TUBAL3: variants seen among roughly 807,000 people sequenced by gnomAD.
TUBAL3 encodes the protein tubulin alpha like 3, also known as tubulin alpha chain-like 3.
A neutral mutation model predicts 15.5 loss-of-function variants in TUBAL3; 16 were observed. The observed-to-expected ratio is 1.04, with a 90% CI of 0.70 to 1.57. The LOEUF (loss-of-function observed/expected upper bound fraction) is 1.57. Ranked by LOEUF, TUBAL3 falls within the 40% of genes most tolerant of loss-of-function variation. The pLI, the probability that TUBAL3 is intolerant of heterozygous loss-of-function variation, is 0.00. For synonymous variants in TUBAL3, 238 were observed against 224.3 expected (o/e 1.06, Z -0.55); for missense variants, 609 against 576.2 (o/e 1.06, Z -0.58).
rs182993405 is a variant in TUBAL3, at chr10:5,394,794, T to A, written c.397-333A>T. On this transcript the variant is annotated intron_variant, in intron 3 of 3. Coordinates refer to ENST00000380419, the MANE Select transcript of TUBAL3 (RefSeq NM_024803.3). This position sits in a 1 kb window ranked among gnomAD's most constrained non-coding sequence, Gnocchi z 4.3. Reference sequence around the variant, plus strand: ...ACAAAACACTGAAGCAAAATAACATTCCCCCCACGTCTATGCTCCATCTGG... The same window carrying A: ...ACAAAACACTGAAGCAAAATAACATACCCCCCACGTCTATGCTCCATCTGG... Among the ~76,000 whole-genome samples, 52 of 151,958 alleles carry A rather than the reference T, an allele frequency of 3.4e-4. No homozygotes were observed. The highest frequency in any genetic ancestry group is 9.8e-4 in the Admixed American group (15 of 15,240).
Position 5,394,201 on chromosome 10 carries a change from T to C in TUBAL3, c.657A>G (p.Ile219Met), listed in dbSNP as rs1831725117. 6.2e-7 allele frequency: 1 copy of C among 1,614,170 alleles called. No homozygotes were observed. The highest frequency in any genetic ancestry group is 8.5e-7 in the Non-Finnish European group (1 of 1,180,040). The change falls in exon 4 of 4, where the codon ATA becomes ATG. Residue 219 changes from isoleucine to methionine, a missense_variant. Coordinates refer to ENST00000380419, the MANE Select transcript of TUBAL3 (RefSeq NM_024803.3). This position sits in a 1 kb window ranked among gnomAD's most constrained non-coding sequence, Gnocchi z 4.3. ...ATTCAACACCGAGTTTACGATGGCA[T>C]ATATCATAGACGGCCTCGTTGTCCA... The part of the protein sequence containing the change: ...FMVDNEAVYD[I>M]CHRKLGVECP...
At chr10:5,398,441 A>AC (rs1831798898) in intron 2 of TUBAL3, among the ~76,000 whole-genome samples, 1 of 146,686 alleles carries the variant, frequency 6.8e-6, no homozygotes, top group Admixed American at 6.9e-5. Context: ...AAAAAAAAAA[A>AC]AAAAAAACTT....
intron 1 of TUBAL3, among the ~76,000 whole-genome samples, chr10:5,401,984 A>C (rs568904261): frequency 7.9e-4 from 117 of 148,764 alleles, no homozygotes; most frequent in African/African-American, 2.6e-3. Flanking sequence ...ACGTTTTCCC[A>C]AAAAAAAAAG....
intron 2 of TUBAL3, among the ~76,000 whole-genome samples, chr10:5,400,588 G>C (rs1181586659): frequency 6.6e-6 from 1 of 152,102 alleles, no homozygotes; most frequent in African/African-American, 2.4e-5. Context: ...CCCAGATCAC[G>C]CTACTGCACT....
Position 5,395,846 on chromosome 10 carries a change from G to C in TUBAL3, c.248-371C>G, listed in dbSNP as rs1392466185. On this transcript the variant is annotated intron_variant, in intron 2 of 3. Transcript: ENST00000380419. This position sits in a 1 kb window ranked among gnomAD's most constrained non-coding sequence, Gnocchi z 4.6. ...GTTCCTGCTGGAGGCCCCAGGGAGC[G>C]TCTGGTCCAAACATCTCTCCTGGCA... 7.2e-5 allele frequency among the ~76,000 whole-genome samples: 11 copies of C among 152,106 alleles called. No individual in the cohort carries two copies. Among genetic ancestry groups the C allele is most frequent in the South Asian group, 2.1e-4 (1 of 4,818 alleles).
intron 1 of TUBAL3, among the ~76,000 whole-genome samples, chr10:5,401,456 G>A (rs11253160): frequency 0.063 from 9,606 of 151,554 alleles, 339 homozygotes; most frequent in South Asian, 0.18. Context: ...GTGTGTGTGC[G>A]TGTAGTTATA....
In TUBAL3 at chr10:5,394,724, G is replaced by A. The variant is rs189960554; in HGVS notation, c.397-263C>T. On this transcript the variant is annotated intron_variant, in intron 3 of 3. Transcript: ENST00000380419. The surrounding 1 kb of genome is among the most constrained non-coding windows in gnomAD (Gnocchi z 4.3). Reference sequence around the variant, plus strand: ...TTTCACTGACCTCTGTGCATTTATCGGTATGTGATCGCAAACAAGGCCTTC... The same window carrying A: ...TTTCACTGACCTCTGTGCATTTATCAGTATGTGATCGCAAACAAGGCCTTC... 1.2e-4 allele frequency among the ~76,000 whole-genome samples: 18 copies of A among 152,262 alleles called. No homozygotes were observed. The highest frequency in any genetic ancestry group is 3.3e-4 in the Admixed American group (5 of 15,284).
chr10:5,402,513 G>T (rs1387161298), intron 1 of TUBAL3, among the ~76,000 whole-genome samples: 3 of 152,180 alleles, frequency 2.0e-5, no homozygotes, highest in Admixed American at 2.0e-4. Context: ...TGGCTACACT[G>T]CCCTAAAGCC....
At chr10:5,401,958 G>A (rs1224284246) in intron 1 of TUBAL3, among the ~76,000 whole-genome samples, 1 of 151,918 alleles carries the variant, frequency 6.6e-6, no homozygotes, top group African/African-American at 2.4e-5. Flanking sequence ...ACAATGACAT[G>A]TTATGCAACC....
Position 5,396,948 on chromosome 10 carries a change from A to C in TUBAL3, c.248-1473T>G, listed in dbSNP as rs569018123. ...TCACTAAGCTAGAGAGAAGTTACTT[A>C]GTCAATGATTTTAGCTCATAAATAA... On this transcript the variant is annotated intron_variant, in intron 2 of 3. Transcript: ENST00000380419. The surrounding 1 kb of genome is among the most constrained non-coding windows in gnomAD (Gnocchi z 5.1). Among the ~76,000 whole-genome samples the C allele has an allele frequency of 1.3e-5, 2 of 152,374 alleles. No homozygotes were observed. Among genetic ancestry groups the C allele is most frequent in the Non-Finnish European group, 2.9e-5 (2 of 68,044 alleles).
rs1831773179 is a variant in TUBAL3 at position 5,396,857 on chromosome 10, C to G, written c.248-1382G>C. ...CGGCTGCCCTGGTTACTGTGGGATA[C>G]TGCATTGCTTAGTAGTTAAATGCAT... On this transcript the variant is annotated intron_variant, in intron 2 of 3. Coordinates refer to ENST00000380419, the MANE Select transcript of TUBAL3 (RefSeq NM_024803.3). This position sits in a 1 kb window ranked among gnomAD's most constrained non-coding sequence, Gnocchi z 5.1. 1.3e-5 allele frequency among the ~76,000 whole-genome samples: 2 copies of G among 152,228 alleles called. No homozygotes were observed. Among genetic ancestry groups the G allele is most frequent in the Non-Finnish European group, 2.9e-5 (2 of 68,044 alleles).
In TUBAL3 at chr10:5,394,728, T is replaced by C. The variant is rs1375914401; in HGVS notation, c.397-267A>G. 6.6e-6 allele frequency among the ~76,000 whole-genome samples: 1 copy of C among 152,226 alleles called. No individual in the cohort carries two copies. The highest frequency in any genetic ancestry group is 1.5e-5 in the Non-Finnish European group (1 of 68,036). On this transcript the variant is annotated intron_variant, in intron 3 of 3. Transcript: ENST00000380419. The surrounding 1 kb of genome is among the most constrained non-coding windows in gnomAD (Gnocchi z 4.3). Reference sequence around the variant, plus strand: ...ACTGACCTCTGTGCATTTATCGGTATGTGATCGCAAACAAGGCCTTCATCA... The same window carrying C: ...ACTGACCTCTGTGCATTTATCGGTACGTGATCGCAAACAAGGCCTTCATCA...
In TUBAL3 at chr10:5,393,962, G is replaced by T. The variant is rs1831719062; in HGVS notation, c.896C>A (p.Thr299Asn). ...GTTGGAGGACTCAAAGCAGGCAGTG[G>T]TGATGTCTGACACAGAGAACTGCTC... The part of the protein sequence containing the change: ...YHEQFSVSDI[T>N]TACFESSNQL... Residue 299 changes from threonine to asparagine, a missense_variant, in exon 4 of 4, where the codon ACC (threonine) becomes AAC (asparagine). Thr to Asn is a moderately conservative substitution (Grantham distance 65). Coordinates refer to ENST00000380419, the MANE Select transcript of TUBAL3 (RefSeq NM_024803.3). 3 of 1,614,094 alleles carry T rather than the reference G, an allele frequency of 1.9e-6. No individual in the cohort carries two copies. The African/African-American group carries it at 4.0e-5, about 22-fold the overall frequency.
intron 1 of TUBAL3, among the ~76,000 whole-genome samples, chr10:5,403,670 G>A (rs1485808765): frequency 6.6e-6 from 1 of 152,188 alleles, no homozygotes; most frequent in Non-Finnish European, 1.5e-5. Flanking sequence ...CTTTGAAGGA[G>A]CTTAGCTTAT....
intron 1 of TUBAL3, 74 bp from the exon 2 acceptor site, chr10:5,401,161 G>T (rs1831846246): frequency 1.9e-6 from 3 of 1,567,738 alleles, no homozygotes; most frequent in Non-Finnish European, 2.6e-6. Context: ...AGCCCTTCTG[G>T]TTACAAATGA....
rs1831780374 is a variant in TUBAL3 at position 5,397,336 on chromosome 10, C to A, written c.248-1861G>T. Among the ~76,000 whole-genome samples the A allele has an allele frequency of 6.6e-6, 1 of 152,122 alleles. No homozygotes were observed. The highest frequency in any genetic ancestry group is 1.5e-5 in the Non-Finnish European group (1 of 68,012). On this transcript the variant is annotated intron_variant, in intron 2 of 3. Transcript: ENST00000380419. This position sits in a 1 kb window ranked among gnomAD's most constrained non-coding sequence, Gnocchi z 4.9. ...TTAACTAGCTTACACACAAACCTCC[C>A]CCAGAGCTAGGATGTTTAAAAGATA... is the stretch of plus-strand genomic sequence containing the variant.
chr10:5,402,849 C>T (rs1831877841), intron 1 of TUBAL3, among the ~76,000 whole-genome samples: 1 of 152,236 alleles, frequency 6.6e-6, no homozygotes, highest in Admixed American at 6.5e-5. Flanking sequence ...CAGAAACCAT[C>T]CCCACTGCCG....
Position 5,395,294 on chromosome 10 carries a change from CAG to C in TUBAL3, c.396+31_396+32del. 2 of 1,464,580 alleles carry C rather than the reference CAG, an allele frequency of 1.4e-6. No homozygotes were observed. Among genetic ancestry groups the C allele is most frequent in the Non-Finnish European group, 1.8e-6 (2 of 1,095,836 alleles). The allele number at this position is 1,464,580 out of a possible 1,614,324, so 90.7% of individuals were successfully genotyped here. A position where few individuals can be genotyped will look rare whatever the true frequency, so the allele number is the denominator to read the frequency against. The stretch of plus-strand genomic sequence containing the variant: ...CGCAGGACCCCACATGCCCCAGGCA[CAG>C]CCCACTCGGAGGAGAGGGGGAGCCA... On this transcript the variant is annotated intron_variant, in intron 3 of 3. Transcript: ENST00000380419. The surrounding 1 kb of genome is among the most constrained non-coding windows in gnomAD (Gnocchi z 4.6).
chr10:5,399,096 C>T (rs1368659325), intron 2 of TUBAL3, among the ~76,000 whole-genome samples: 1 of 152,152 alleles, frequency 6.6e-6, no homozygotes, highest in Admixed American at 6.5e-5. Flanking sequence ...TCTAATAACT[C>T]AGTGATCTTA....
Sources: gnomAD v4.1 joint callset for allele counts (sites outside exome capture counted in the v4.1 genomes callset) on GRCh38, gnomAD v4.1.1 for gene constraint, Gnocchi (gnomAD v3.1) non-coding constraint, MANE v1.5 for transcripts, NCBI Gene and HGNC (gene_info 2026-07-23, HGNC 2026-07-21) for gene names.